The following CNTNAP2 variants were observed in gnomAD, a reference collection of about 807,000 sequenced individuals.
CNTNAP2 encodes contactin associated protein 2.
A neutral mutation model predicts 155.2 loss-of-function variants in CNTNAP2; 98 were observed. The ratio of observed to expected loss-of-function variants is 0.63; its 90% CI spans 0.54 to 0.75. CNTNAP2 has a LOEUF of 0.75. CNTNAP2 is among the 30% of genes least tolerant of loss of function. The pLI, the probability that CNTNAP2 is intolerant of heterozygous loss-of-function variation, is 0.00. For synonymous variants in CNTNAP2, 651 were observed against 631.2 expected (o/e 1.03, Z -0.47); for missense variants, 1,727 against 1,688.1 (o/e 1.02, Z -0.40).
In CNTNAP2 at chr7:146,784,766, G is replaced by A. The variant is rs111878093; in HGVS notation, c.208+10385G>A. ...ATAATTCCTTGGTCTTGATCTTACTGGGCTCTTACAGATTCTTAGTGGTCT... is the reference window on the plus strand; with the variant it reads ...ATAATTCCTTGGTCTTGATCTTACTAGGCTCTTACAGATTCTTAGTGGTCT... On this transcript the variant is annotated intron_variant, in intron 2 of 23. Coordinates refer to ENST00000361727, the MANE Select transcript of CNTNAP2 (RefSeq NM_014141.6). Among the ~76,000 whole-genome samples, 1,227 of 152,152 alleles carry A rather than the reference G, an allele frequency of 8.1e-3. 12 individuals are homozygous for A. The highest frequency in any genetic ancestry group is 0.028 in the African/African-American group (1,164 of 41,512).
rs1050213455 is a variant in CNTNAP2 at position 146,426,369 on chromosome 7, C to T, written c.97+309396C>T. On this transcript the variant is annotated intron_variant, in intron 1 of 23. Coordinates refer to ENST00000361727, the MANE Select transcript of CNTNAP2 (RefSeq NM_014141.6). ...TCTTTCTGGGGTGTTTCTGTGTGCA[C>T]GTATGAAAACAAAATGTATATATAT... Among the ~76,000 whole-genome samples the T allele has an allele frequency of 4.5e-5, 6 of 132,534 alleles. No individual in the cohort carries two copies. In the East Asian group the frequency reaches 8.4e-4, roughly 19 times the overall value. The allele number at this position is 132,534 out of a possible 152,430, so 86.9% of individuals were successfully genotyped here.
intron 20 of CNTNAP2, among the ~76,000 whole-genome samples, chr7:148,243,659 A>C (rs79831458): frequency 1.5e-4 from 23 of 152,238 alleles, no homozygotes; most frequent in Non-Finnish European, 3.1e-4. Flanking sequence ...CATGAGAAAG[A>C]CTGGCCCCCA....
At chr7:146,735,074 A>G (rs1010107522) in intron 1 of CNTNAP2, among the ~76,000 whole-genome samples, 2 of 152,244 alleles carry the variant, frequency 1.3e-5, no homozygotes, top group South Asian at 4.1e-4. Context: ...ATGATGATCA[A>G]AACAAATTGT....
chr7:147,671,512 T>C (rs1036593157), intron 13 of CNTNAP2, among the ~76,000 whole-genome samples: 1 of 138,570 alleles, frequency 7.2e-6, no homozygotes. Flanking sequence ...GAAAAAGAAA[T>C]TTTTTTTTGG....
At chr7:146,872,216 G>A (rs1172446968) in intron 3 of CNTNAP2, among the ~76,000 whole-genome samples, 3 of 130,086 alleles carry the variant, frequency 2.3e-5, no homozygotes, top group Non-Finnish European at 3.1e-5. Context: ...GGGAAGGTAC[G>A]TCATCCACCT....
At chr7:148,303,572 C>T (rs1797433364) in intron 21 of CNTNAP2, among the ~76,000 whole-genome samples, 1 of 152,182 alleles carries the variant, frequency 6.6e-6, no homozygotes, top group Non-Finnish European at 1.5e-5. Flanking sequence ...GCTGAGAATG[C>T]AATAGTGAGA....
At chr7:148,182,948 T>G (rs1327042855) in intron 18 of CNTNAP2, among the ~76,000 whole-genome samples, 1 of 152,270 alleles carries the variant, frequency 6.6e-6, no homozygotes, top group African/African-American at 2.4e-5. Flanking sequence ...CTCAATTAAA[T>G]TAAATTATTG....
intron 13 of CNTNAP2, among the ~76,000 whole-genome samples, chr7:147,648,124 A>G (rs1488855880): frequency 6.6e-6 from 1 of 152,208 alleles, no homozygotes; most frequent in East Asian, 1.9e-4. Flanking sequence ...GTAGGGGTTT[A>G]AAAATGTTTG....
chr7:146,541,614 T>G (rs1797954481), intron 1 of CNTNAP2, among the ~76,000 whole-genome samples: 1 of 151,974 alleles, frequency 6.6e-6, no homozygotes, highest in Admixed American at 6.6e-5. Context: ...GCTTCATTAC[T>G]GCAAATGTCA....
chr7:148,210,928 G>A (rs1795536766), intron 18 of CNTNAP2, among the ~76,000 whole-genome samples: 1 of 152,250 alleles, frequency 6.6e-6, no homozygotes, highest in African/African-American at 2.4e-5. Flanking sequence ...AGAAAAACTG[G>A]TTGTGTTTCA....
Position 147,030,729 on chromosome 7 carries a change from T to C in CNTNAP2, c.403-13178T>C, listed in dbSNP as rs564624093. Among the ~76,000 whole-genome samples the C allele has an allele frequency of 1.3e-3, 203 of 152,236 alleles. 4 individuals are homozygous for C. The highest frequency in any genetic ancestry group is 4.3e-3 in the African/African-American group (180 of 41,562). The stretch of plus-strand genomic sequence containing the variant: ...CACACATCTGACTACTTTTAGAAGT[T>C]ATATTAAGGCCAGGCATGATGATTC... On this transcript the variant is annotated intron_variant, in intron 3 of 23. Coordinates refer to ENST00000361727, the MANE Select transcript of CNTNAP2 (RefSeq NM_014141.6).
intron 1 of CNTNAP2, among the ~76,000 whole-genome samples, chr7:146,501,497 G>C (rs942549052): frequency 6.6e-6 from 1 of 151,798 alleles, no homozygotes; most frequent in African/African-American, 2.4e-5. Context: ...TCACTTGTAG[G>C]CATAGAATTG....
intron 16 of CNTNAP2, among the ~76,000 whole-genome samples, chr7:148,122,776 A>G (rs1804626352): frequency 6.6e-6 from 1 of 150,758 alleles, no homozygotes; most frequent in South Asian, 2.1e-4. Context: ...CATTGTAGAT[A>G]TGAAAGATCC....
At chr7:148,010,852 A>G (rs567634001) in intron 15 of CNTNAP2, among the ~76,000 whole-genome samples, 1 of 152,106 alleles carries the variant, frequency 6.6e-6, no homozygotes, top group Non-Finnish European at 1.5e-5. Context: ...TCCTTTGTTC[A>G]CATTGTCAAT....
chr7:147,386,178 T>C (rs553654257), intron 9 of CNTNAP2, among the ~76,000 whole-genome samples: 1 of 152,170 alleles, frequency 6.6e-6, no homozygotes, highest in Admixed American at 6.5e-5. Context: ...CATGAAATGA[T>C]TTTTTCCTCC....
intron 1 of CNTNAP2, among the ~76,000 whole-genome samples, chr7:146,393,867 A>G (rs1472997194): frequency 6.6e-6 from 1 of 152,188 alleles, no homozygotes; most frequent in Non-Finnish European, 1.5e-5. Flanking sequence ...AAGCTTAAGC[A>G]TATCTGCATG....
At chr7:146,492,954 A>T (rs1226768877) in intron 1 of CNTNAP2, among the ~76,000 whole-genome samples, 1 of 152,190 alleles carries the variant, frequency 6.6e-6, no homozygotes, top group Non-Finnish European at 1.5e-5. Context: ...CTTCTGAGTA[A>T]ACAACACCAA....
chr7:146,149,019 C>T (rs11768250), intron 1 of CNTNAP2, among the ~76,000 whole-genome samples: 60,245 of 132,670 alleles, frequency 0.45, 14,261 homozygotes, highest in East Asian at 0.63. Context: ...CATCACACAC[C>T]GGGGCCTGTT....
intron 1 of CNTNAP2, among the ~76,000 whole-genome samples, chr7:146,523,489 C>T (rs1447851804): frequency 6.6e-6 from 1 of 151,994 alleles, no homozygotes; most frequent in Non-Finnish European, 1.5e-5. Context: ...CGCCACCAAC[C>T]CTCAATCATA....
Sources: allele counts gnomAD v4.1 joint callset (sites outside exome capture counted in the v4.1 genomes callset), GRCh38; gene constraint gnomAD v4.1.1; transcripts MANE v1.5; gene names NCBI Gene and HGNC (gene_info 2026-07-23, HGNC 2026-07-21).